FAM135B: variants seen among roughly 807,000 people sequenced by gnomAD.
The protein encoded by FAM135B is protein FAM135B.
FAM135B carries 43 observed loss-of-function variants against 127.7 expected under a neutral mutation model. That is an observed-to-expected ratio of 0.34 (90% CI 0.26 to 0.43). The LOEUF (loss-of-function observed/expected upper bound fraction) is 0.43. Ranked by LOEUF, FAM135B falls within the 20% of genes least tolerant of loss-of-function variation. The pLI is 1.00. For missense variants in FAM135B, 1,558 were observed against 1,725.6 expected, an observed-to-expected ratio of 0.90 and a Z score of 1.72; for synonymous variants, 670 against 665.1, an observed-to-expected ratio of 1.01 and a Z score of -0.11.
At chr8:138,354,083 T>C (rs1201953890) in intron 2 of FAM135B, among the ~76,000 whole-genome samples, 2 of 152,080 alleles carry the variant, frequency 1.3e-5, no homozygotes, top group African/African-American at 4.8e-5. Flanking sequence ...TTATTCTCCT[T>C]CTGAGCTACC....
In FAM135B at chr8:138,249,923, T is replaced by G. The variant is rs1821572865; in HGVS notation, c.542+918A>C. Among the ~76,000 whole-genome samples the G allele has an allele frequency of 2.0e-5, 3 of 152,202 alleles. No individual in the cohort carries two copies. In the South Asian group the frequency reaches 6.2e-4, roughly 31 times the overall value. ...CCTATCTGGCCATGCTGGGAGTAGA[T>G]ATGAAGACAGGTGAGCATGGTACAA... On this transcript the variant is annotated intron_variant, in intron 6 of 19. Coordinates refer to ENST00000395297, the MANE Select transcript of FAM135B (RefSeq NM_015912.4).
At chr8:138,420,692 A>G (rs981561458) in intron 1 of FAM135B, among the ~76,000 whole-genome samples, 2 of 152,172 alleles carry the variant, frequency 1.3e-5, no homozygotes, top group Non-Finnish European at 2.9e-5. Context: ...TTCAACATAC[A>G]CAAACCAATA....
intron 4 of FAM135B, among the ~76,000 whole-genome samples, chr8:138,262,842 C>T (rs2130603462): frequency 7.2e-6 from 1 of 137,990 alleles, no homozygotes; most frequent in Admixed American, 8.1e-5. Flanking sequence ...GCGGAGGTTG[C>T]AGTGAGCTGA....
intron 3 of FAM135B, among the ~76,000 whole-genome samples, chr8:138,278,095 C>T (rs928572219): frequency 1.3e-5 from 2 of 152,044 alleles, no homozygotes; most frequent in Non-Finnish European, 2.9e-5. Flanking sequence ...CCTAAACAAA[C>T]TTTCATGCTT....
At chr8:138,316,764 A>C (rs1827127278) in intron 2 of FAM135B, among the ~76,000 whole-genome samples, 1 of 152,004 alleles carries the variant, frequency 6.6e-6, no homozygotes, top group Non-Finnish European at 1.5e-5. Flanking sequence ...GTAGATCACG[A>C]GATCAGGAGA....
At chr8:138,456,300 T>C in intron 1 of FAM135B, among the ~76,000 whole-genome samples, 1 of 152,232 alleles carries the variant, frequency 6.6e-6, no homozygotes, top group South Asian at 2.1e-4. Flanking sequence ...AACTAAGAGC[T>C]AATTGCAATT....
At chr8:138,392,223 G>A (rs59930684) in intron 1 of FAM135B, among the ~76,000 whole-genome samples, 20 of 152,112 alleles carry the variant, frequency 1.3e-4, no homozygotes, top group Admixed American at 5.9e-4. Flanking sequence ...CCCCAGGCCC[G>A]GGAGCCCCTC....
intron 3 of FAM135B, among the ~76,000 whole-genome samples, chr8:138,275,055 G>A (rs973841178): frequency 6.6e-6 from 1 of 152,176 alleles, no homozygotes; most frequent in Admixed American, 6.5e-5. Flanking sequence ...ATTGATTGGG[G>A]AAGTGATAAG....
chr8:138,145,782 TCTCCCTCCC>T (rs1454023316), intron 15 of FAM135B, among the ~76,000 whole-genome samples, 168 bp downstream of exon 15: 5 of 152,110 alleles, frequency 3.3e-5, no homozygotes, highest in Non-Finnish European at 5.9e-5. Context: ...TACCGTTTCC[TCTCCCTCCC>T]GAAATAAAAC....
intron 1 of FAM135B, among the ~76,000 whole-genome samples, chr8:138,434,084 G>A (rs1269540357): frequency 6.6e-6 from 1 of 152,184 alleles, no homozygotes; most frequent in Non-Finnish European, 1.5e-5. Flanking sequence ...CACATTCTAA[G>A]CTTAGACAAG....
intron 15 of FAM135B, among the ~76,000 whole-genome samples, 154 bp downstream of exon 15, chr8:138,145,805 C>T (rs1350656276): frequency 6.6e-6 from 1 of 152,228 alleles, no homozygotes; most frequent in Non-Finnish European, 1.5e-5. Context: ...ATAAAACAGT[C>T]TCTTCTTTCC....
chr8:138,230,949 A>G (rs1819859077), intron 7 of FAM135B, among the ~76,000 whole-genome samples: 1 of 152,086 alleles, frequency 6.6e-6, no homozygotes, highest in Admixed American at 6.5e-5. Context: ...TTGGCTCTTC[A>G]TGTGCAGGTT....
At chr8:138,187,536 G>A (rs776389048) in intron 9 of FAM135B, among the ~76,000 whole-genome samples, 1 of 152,142 alleles carries the variant, frequency 6.6e-6, no homozygotes, top group Non-Finnish European at 1.5e-5. Context: ...TAACCTTAAG[G>A]TGGTGTGTAA....
chr8:138,264,450 C>A (rs1298704955), intron 4 of FAM135B, among the ~76,000 whole-genome samples: 2 of 152,168 alleles, frequency 1.3e-5, no homozygotes, highest in Non-Finnish European at 1.5e-5. Context: ...AGTGAGGGTG[C>A]AAACTCCTAT....
At chr8:138,174,250 T>G (rs1814212583) in intron 11 of FAM135B, among the ~76,000 whole-genome samples, 1 of 152,200 alleles carries the variant, frequency 6.6e-6, no homozygotes, top group Admixed American at 6.5e-5. Flanking sequence ...TCGAACAAGA[T>G]GGGTCTTGAC....
chr8:138,325,771 A>G (rs1201089895), intron 2 of FAM135B, among the ~76,000 whole-genome samples: 1 of 152,122 alleles, frequency 6.6e-6, no homozygotes, highest in Non-Finnish European at 1.5e-5. Flanking sequence ...ATTGGCAACA[A>G]CCCTAATGGT....
At chr8:138,444,754 C>G (rs908958864) in intron 1 of FAM135B, among the ~76,000 whole-genome samples, 335 of 151,798 alleles carry the variant, frequency 2.2e-3, no homozygotes, top group African/African-American at 5.7e-3. Flanking sequence ...AGAGAAGCAA[C>G]AGCAAACACA....
At chr8:138,403,325 C>A (rs1025171092) in intron 1 of FAM135B, among the ~76,000 whole-genome samples, 9 of 152,010 alleles carry the variant, frequency 5.9e-5, no homozygotes, top group Middle Eastern at 3.2e-3. Context: ...CGTGAGAGAA[C>A]CAGCCCTGCA....
intron 7 of FAM135B, among the ~76,000 whole-genome samples, chr8:138,231,451 C>T (rs556415842): frequency 6.6e-6 from 1 of 152,270 alleles, no homozygotes; most frequent in South Asian, 2.1e-4. Context: ...CATATCAGTG[C>T]AAAATAAATG....
Sources: allele counts gnomAD v4.1 joint callset (sites outside exome capture counted in the v4.1 genomes callset), GRCh38; gene constraint gnomAD v4.1.1; transcripts MANE v1.5; gene names NCBI Gene and HGNC (gene_info 2026-07-23, HGNC 2026-07-21).